SYNPO2: variants seen among roughly 807,000 people sequenced by gnomAD.
SYNPO2 encodes synaptopodin 2.
A neutral mutation model predicts 85.0 loss-of-function variants in SYNPO2; 56 were observed. That is an observed-to-expected ratio of 0.66 (90% CI 0.53 to 0.82). SYNPO2 has a LOEUF of 0.82. Ranked by LOEUF, SYNPO2 falls within the 40% of genes least tolerant of loss-of-function variation. SYNPO2 has a pLI of 0.00. For missense variants in SYNPO2, 1,575 were observed against 1,534.2 expected (o/e 1.03, Z -0.44); for synonymous variants, 602 against 591.1 (o/e 1.02, Z -0.27).
rs1474565907 is a variant in SYNPO2, at chr4:119,027,251, G to C, written c.882G>C (p.Gln294His). ...TGATCCTCGACTGCTCTGACAGGCA[G>C]AAGACAGAAGGGTGCAGGCTTCAGG... ...VEVILDCSDR[Q>H]KTEGCRLQAG... The change falls in exon 3 of 5, where the codon CAG becomes CAC. Residue 294 changes from glutamine (Q) to histidine (H), a missense_variant. Gln to His is a conservative substitution (Grantham distance 24). Transcript: ENST00000307142. The C allele has an allele frequency of 1.2e-6, 2 of 1,614,054 alleles. No individual in the cohort carries two copies. The highest frequency in any genetic ancestry group is 1.7e-6 in the Non-Finnish European group (2 of 1,180,034).
chr4:118,942,421 A>G (rs41535748), intron 1 of SYNPO2, among the ~76,000 whole-genome samples: 3,931 of 152,296 alleles, frequency 0.026, 77 homozygotes, highest in South Asian at 0.044. Context: ...GAAAGAATGA[A>G]TGGACAGCTT....
chr4:118,928,451 C>T (rs769888638), intron 1 of SYNPO2, among the ~76,000 whole-genome samples: 2 of 151,776 alleles, frequency 1.3e-5, no homozygotes, highest in Non-Finnish European at 2.9e-5. Context: ...CTATACTAAA[C>T]TTTAAAACTT....
intron 1 of SYNPO2, among the ~76,000 whole-genome samples, chr4:118,996,794 T>A (rs2149170935): frequency 6.8e-6 from 1 of 147,320 alleles, no homozygotes; most frequent in Non-Finnish European, 1.5e-5. Context: ...GAGGCAGAGG[T>A]TGCGGTGAGC....
intron 1 of SYNPO2, among the ~76,000 whole-genome samples, chr4:119,003,898 C>CT (rs995377496): frequency 6.6e-6 from 1 of 152,118 alleles, no homozygotes; most frequent in African/African-American, 2.4e-5. Context: ...TACGACATGG[C>CT]TTTAAGTGGG....
At chr4:118,854,622 A>G (rs1051864919) in intron 1 of SYNPO2, among the ~76,000 whole-genome samples, 1 of 152,192 alleles carries the variant, frequency 6.6e-6, no homozygotes. Context: ...AATAAAATCA[A>G]TACGAATTTT....
chr4:119,038,237 G>A, intron 4 of SYNPO2: 1 of 985,324 alleles, frequency 1.0e-6, no homozygotes, highest in Non-Finnish European at 1.2e-6. Context: ...TCTCTGCTTT[G>A]TAGATAGCTT....
intron 1 of SYNPO2, among the ~76,000 whole-genome samples, chr4:118,992,784 C>G (rs1452730263): frequency 6.6e-6 from 1 of 152,140 alleles, no homozygotes; most frequent in Non-Finnish European, 1.5e-5. Context: ...GAGATCCTGA[C>G]CTGGCTCAGC....
chr4:118,974,492 C>T (rs947455590), intron 1 of SYNPO2, among the ~76,000 whole-genome samples: 47 of 152,370 alleles, frequency 3.1e-4, no homozygotes, highest in African/African-American at 1.1e-3. Flanking sequence ...TATGACTTCT[C>T]CCACATCTAT....
At chr4:118,990,968 T>G (rs1031276753) in intron 1 of SYNPO2, among the ~76,000 whole-genome samples, 1 of 152,094 alleles carries the variant, frequency 6.6e-6, no homozygotes, top group Non-Finnish European at 1.5e-5. Context: ...GAGCACCAGG[T>G]GAAAGCAGCT....
intron 1 of SYNPO2, among the ~76,000 whole-genome samples, chr4:118,948,652 C>G (rs545842197): frequency 6.6e-6 from 1 of 151,970 alleles, no homozygotes; most frequent in African/African-American, 2.4e-5. Context: ...GCATCAATTG[C>G]GAAGGAAAAA....
upstream of SYNPO2, among the ~76,000 whole-genome samples, chr4:118,888,592 A>G (rs1732252879): frequency 6.6e-6 from 1 of 152,144 alleles, no homozygotes; most frequent in Non-Finnish European, 1.5e-5. Context: ...GTCCTTTACT[A>G]TTTACAGAAT....
intron 1 of SYNPO2, among the ~76,000 whole-genome samples, chr4:118,861,091 T>G (rs1560800365): frequency 1.3e-5 from 2 of 152,226 alleles, no homozygotes. Context: ...AGGCATTACT[T>G]AAGAAATCTT....
intron 1 of SYNPO2, among the ~76,000 whole-genome samples, chr4:118,957,859 T>C (rs1414548375): frequency 6.6e-6 from 1 of 152,178 alleles, no homozygotes; most frequent in African/African-American, 2.4e-5. Context: ...CTTGTTTCAG[T>C]CACAACGTGA....
At chr4:118,924,824 C>A (rs536171843) in intron 1 of SYNPO2, among the ~76,000 whole-genome samples, 1 of 152,284 alleles carries the variant, frequency 6.6e-6, no homozygotes, top group African/African-American at 2.4e-5. Context: ...ACTCTATAGG[C>A]AATGAAGCAA....
chr4:118,954,087 G>T (rs1472454555), intron 1 of SYNPO2, among the ~76,000 whole-genome samples: 1 of 152,024 alleles, frequency 6.6e-6, no homozygotes, highest in Admixed American at 6.6e-5. Flanking sequence ...CTTAACATTG[G>T]CAATTGCCAA....
chr4:118,993,495 G>C (rs535214807), intron 1 of SYNPO2, among the ~76,000 whole-genome samples: 1 of 152,216 alleles, frequency 6.6e-6, no homozygotes, highest in East Asian at 1.9e-4. Flanking sequence ...TTGTTAATGT[G>C]TCTGTGTGAG....
chr4:119,045,421 A>T (rs1297682376), intron 4 of SYNPO2, among the ~76,000 whole-genome samples: 3 of 152,166 alleles, frequency 2.0e-5, no homozygotes, highest in African/African-American at 7.2e-5. Context: ...ACTGCTCTCT[A>T]GCCGGGGTGA....
chr4:118,980,936 C>A (rs1735984167), intron 1 of SYNPO2, among the ~76,000 whole-genome samples: 1 of 152,196 alleles, frequency 6.6e-6, no homozygotes, highest in South Asian at 2.1e-4. Context: ...GACTTGCTCA[C>A]AGTCACATAC....
At chr4:118,864,400 G>T (rs1731667849) in intron 1 of SYNPO2, among the ~76,000 whole-genome samples, 1 of 152,208 alleles carries the variant, frequency 6.6e-6, no homozygotes, top group South Asian at 2.1e-4. Flanking sequence ...CTGAGGAAAA[G>T]AATGTGTATT....
Sources: allele counts gnomAD v4.1 joint callset (sites outside exome capture counted in the v4.1 genomes callset), GRCh38; gene constraint gnomAD v4.1.1; transcripts MANE v1.5; gene names NCBI Gene and HGNC (gene_info 2026-07-23, HGNC 2026-07-21).